The following PHAX variants were observed in gnomAD, a reference collection of about 807,000 sequenced individuals.
PHAX encodes phosphorylated adapter RNA export protein.
In PHAX, 31 loss-of-function variants were observed where a neutral mutation model predicts 41.6. That is an observed-to-expected ratio of 0.75 (90% CI 0.56 to 1.01). The LOEUF is 1.01. Ranked by LOEUF, PHAX falls within the 50% of genes least tolerant of loss-of-function variation. The probability of loss-of-function intolerance (pLI) is 0.00; values close to 1 mark genes in which losing one functional copy is unlikely to be tolerated. For synonymous variants in PHAX, 175 were observed against 164.9 expected (o/e 1.06, Z -0.47); for missense variants, 453 against 472.9 (o/e 0.96, Z 0.39).
chr5:126,616,734 G>A (rs1418797909), intron 3 of PHAX, among the ~76,000 whole-genome samples: 1 of 151,924 alleles, frequency 6.6e-6, no homozygotes, highest in South Asian at 2.1e-4. Flanking sequence ...ACAAAAATTC[G>A]CCAGGCGTGG....
chr5:126,603,448 G>T (rs1024192837), intron 1 of PHAX, 122 bp from the exon 2 acceptor site: 38 of 1,091,550 alleles, frequency 3.5e-5, no homozygotes, highest in Non-Finnish European at 4.9e-5. Context: ...ATTGGTCTCA[G>T]ATTTGTCTTT....
At chr5:126,620,288 T>A (rs1305529591) in intron 4 of PHAX, among the ~76,000 whole-genome samples, 2 of 152,224 alleles carry the variant, frequency 1.3e-5, no homozygotes, top group Non-Finnish European at 2.9e-5. Flanking sequence ...GATTATACTC[T>A]AATGTTCTCT....
intron 4 of PHAX, among the ~76,000 whole-genome samples, chr5:126,623,442 G>A (rs552118714): frequency 6.6e-6 from 1 of 152,290 alleles, no homozygotes; most frequent in African/African-American, 2.4e-5. Context: ...GACGAAATGA[G>A]TTAATGTGTG....
At chr5:126,620,705 A>G (rs1046521269) in intron 4 of PHAX, among the ~76,000 whole-genome samples, 2 of 152,044 alleles carry the variant, frequency 1.3e-5, no homozygotes, top group Non-Finnish European at 2.9e-5. Context: ...GGAATATCTA[A>G]TAATAGGGAA....
chr5:126,619,915 T>G (rs1024723445), intron 4 of PHAX, among the ~76,000 whole-genome samples: 5 of 152,200 alleles, frequency 3.3e-5, no homozygotes, highest in Non-Finnish European at 7.3e-5. Flanking sequence ...CTATCACAGC[T>G]GTTGTATTTG....
chr5:126,600,996 C>T lies in PHAX; in HGVS notation c.34C>T (p.Gln12Ter). The T allele has an allele frequency of 1.9e-6, 3 of 1,605,522 alleles. No individual in the cohort carries two copies. The highest frequency in any genetic ancestry group is 2.2e-5 in the South Asian group (2 of 90,742). ...GGAGGTCGGCGATATGGAAGATGGG[C>T]AGCTTTCCGACTCGGATTCCGACAT... is the stretch of plus-strand genomic sequence containing the variant. ...ALEVGDMEDG[Q>*]LSDSDSDMTV... is the part of the protein sequence containing the mutation. The change falls in exon 1 of 5, where the codon CAG becomes TAG. Residue 12 changes from glutamine to a stop codon, truncating the protein, a stop_gained. Transcript: ENST00000297540. LOFTEE classifies it high-confidence loss of function.
chr5:126,613,668 G>C (rs1311701016), intron 3 of PHAX, among the ~76,000 whole-genome samples: 5 of 152,136 alleles, frequency 3.3e-5, no homozygotes, highest in Non-Finnish European at 7.3e-5. Flanking sequence ...TGAAGAGCGA[G>C]ACTGTGTCAG....
Position 126,624,802 on chromosome 5 carries a change from A to G in PHAX, c.1143A>G (p.Glu381=). The G allele has an allele frequency of 6.2e-7, 1 of 1,613,102 alleles. No homozygotes were observed. The highest frequency in any genetic ancestry group is 8.5e-7 in the Non-Finnish European group (1 of 1,179,702). ...GHAEAKLEAE[E]AIEVDHSHDL... is the part of the protein sequence containing the mutation. ...CAGAAGCCAAGTTGGAGGCAGAGGA[A>G]GCCATTGAAGTTGATCATTCTCATG... The change falls in exon 5 of 5, where the codon GAA becomes GAG. Residue 381 remains glutamate (E), a synonymous_variant. Coordinates refer to ENST00000297540, the MANE Select transcript of PHAX (RefSeq NM_032177.4).
chr5:126,626,735 CAAA>C lies in PHAX; in HGVS notation c.*1906_*1908del, dbSNP rs71573966. 7 of 77,816 alleles carry C rather than the reference CAAA, an allele frequency of 9.0e-5. No homozygotes were observed. The highest frequency in any genetic ancestry group is 2.0e-4 in the African/African-American group (4 of 20,240). The allele number at this position is 77,816 out of a possible 1,614,324, so 4.8% of individuals were successfully genotyped here. A position where few individuals can be genotyped will look rare whatever the true frequency, so the allele number is the denominator to read the frequency against. ...CTGGCGACAGAGCGAGACTCCCTCT[CAAA>C]AAAAAAAAAAAAAATACAAAAAATT... On this transcript the variant is annotated 3_prime_UTR_variant, in exon 5 of 5. Transcript: ENST00000297540.
chr5:126,601,339 C>T (rs1217086653), intron 1 of PHAX, among the ~76,000 whole-genome samples: 1 of 152,148 alleles, frequency 6.6e-6, no homozygotes. Context: ...CGAGGCGGGG[C>T]GCGCGAGCCC....
rs141457013 is a variant in PHAX at position 126,609,974 on chromosome 5, C to T, written c.831+1490C>T. ...CTGGTTGAGAACTCCTGAGCTCAGG[C>T]AATCCGCCTGCCTCGGCCTCCCAAA... On this transcript the variant is annotated intron_variant, in intron 3 of 4. Transcript: ENST00000297540. Among the ~76,000 whole-genome samples, 339 of 152,240 alleles carry T rather than the reference C, an allele frequency of 2.2e-3. 13 individuals are homozygous for T. The East Asian group carries it at 0.062, about 28-fold the overall frequency.
intron 1 of PHAX, among the ~76,000 whole-genome samples, chr5:126,602,971 C>G (rs1461255471): frequency 6.7e-6 from 1 of 149,940 alleles, no homozygotes; most frequent in Non-Finnish European, 1.5e-5. Context: ...CGCCACTGCA[C>G]TCCAGCCTGG....
chr5:126,606,287 C>T (rs1219349090), intron 2 of PHAX, among the ~76,000 whole-genome samples: 1 of 152,088 alleles, frequency 6.6e-6, no homozygotes, highest in African/African-American at 2.4e-5. Context: ...CCTCCGCCTC[C>T]TGGGTTCAAG....
rs764590896 is a variant in PHAX at position 126,603,805 on chromosome 5, G to A, written c.332G>A (p.Gly111Glu). 76 of 1,614,032 alleles carry A rather than the reference G, an allele frequency of 4.7e-5. No individual in the cohort carries two copies. In the Admixed American group the frequency reaches 1.2e-3, roughly 26 times the overall value. ...QSSQKPPVAG[G>E]KKINNIWGAV... The stretch of plus-strand genomic sequence containing the variant: ...AGTCAGAAACCACCTGTTGCTGGAG[G>A]AAAGAAGATTAACAACATATGGGGT... The change falls in exon 2 of 5, where the codon GGA (glycine) becomes GAA (glutamate). Residue 111 changes from glycine to glutamate, a missense_variant. Coordinates refer to ENST00000297540, the MANE Select transcript of PHAX (RefSeq NM_032177.4).
At chr5:126,623,077 G>T (rs913240007) in intron 4 of PHAX, among the ~76,000 whole-genome samples, 1 of 151,662 alleles carries the variant, frequency 6.6e-6, no homozygotes, top group Non-Finnish European at 1.5e-5. Flanking sequence ...AGTGAGCCGA[G>T]ATCAGACGAC....
intron 2 of PHAX, among the ~76,000 whole-genome samples, chr5:126,607,133 G>A (rs893528075): frequency 1.4e-4 from 21 of 152,148 alleles, no homozygotes; most frequent in African/African-American, 4.8e-4. Flanking sequence ...AGTAATGCAG[G>A]TGGTAGGAAA....
chr5:126,601,894 T>TGAC (rs1208376285), intron 1 of PHAX, among the ~76,000 whole-genome samples: 2 of 152,052 alleles, frequency 1.3e-5, no homozygotes, highest in African/African-American at 4.8e-5. Flanking sequence ...CTCGAACTCC[T>TGAC]GACCTCAAGT....
Position 126,624,931 on chromosome 5 carries a change from G to C in PHAX, c.*87G>C. 1 of 1,164,212 alleles carries C rather than the reference G, an allele frequency of 8.6e-7. No individual in the cohort carries two copies. The highest frequency in any genetic ancestry group is 1.2e-6 in the Non-Finnish European group (1 of 826,840). The allele number at this position is 1,164,212 out of a possible 1,614,324, so 72.1% of individuals were successfully genotyped here. On this transcript the variant is annotated 3_prime_UTR_variant, in exon 5 of 5. Coordinates refer to ENST00000297540, the MANE Select transcript of PHAX (RefSeq NM_032177.4). ...TACTGAGATTGCAACGTTTTGCACT[G>C]ATAAACATGAGAATCTGGAGGAAAG...
intron 3 of PHAX, among the ~76,000 whole-genome samples, chr5:126,608,844 G>A (rs540531726): frequency 2.7e-4 from 41 of 151,446 alleles, no homozygotes; most frequent in African/African-American, 9.9e-4. Context: ...GCTGAGGCAG[G>A]AGAATCACTT....
Sources: allele counts gnomAD v4.1 joint callset (sites outside exome capture counted in the v4.1 genomes callset), GRCh38; gene constraint gnomAD v4.1.1; transcripts MANE v1.5; gene names NCBI Gene and HGNC (gene_info 2026-07-23, HGNC 2026-07-21).